Variants in MB21D2 observed in about 807,000 individuals in gnomAD.
MB21D2 encodes the protein Mab-21 domain containing 2.
MB21D2 carries 9 observed loss-of-function variants against 33.3 expected under a neutral mutation model. The ratio of observed to expected loss-of-function variants is 0.27; its 90% confidence interval spans 0.16 to 0.47. The LOEUF is 0.47. Ranked by LOEUF, MB21D2 falls within the 20% of genes least tolerant of loss-of-function variation. The pLI, the probability that MB21D2 is intolerant of heterozygous loss-of-function variation, is 0.99. For synonymous variants in MB21D2, 241 were observed against 236.3 expected, an observed-to-expected ratio of 1.02 and a Z score of -0.18; for missense variants, 540 against 624.6, an observed-to-expected ratio of 0.86 and a Z score of 1.44.
intron 1 of MB21D2, among the ~76,000 whole-genome samples, chr3:192,848,685 G>C (rs1315207310): frequency 6.6e-6 from 1 of 152,200 alleles, no homozygotes; most frequent in Non-Finnish European, 1.5e-5. Context: ...CCAGCATCCA[G>C]AATCTACGTG....
intron 1 of MB21D2, among the ~76,000 whole-genome samples, chr3:192,806,129 C>T (rs1711655248): frequency 1.3e-5 from 2 of 152,224 alleles, no homozygotes; most frequent in African/African-American, 2.4e-5. Flanking sequence ...TTCTTGTCCT[C>T]TCACCCAGGT....
intron 1 of MB21D2, among the ~76,000 whole-genome samples, chr3:192,837,602 G>T (rs528790207): frequency 3.9e-4 from 59 of 152,300 alleles, no homozygotes; most frequent in African/African-American, 1.3e-3. Flanking sequence ...CAAGGAAAGG[G>T]CTCTCGCTCA....
chr3:192,812,267 C>T (rs1711805560), intron 1 of MB21D2, among the ~76,000 whole-genome samples: 2 of 152,194 alleles, frequency 1.3e-5, no homozygotes, highest in African/African-American at 4.8e-5. Context: ...AGGCTGGTCT[C>T]AAACTCCTGA....
intron 1 of MB21D2, among the ~76,000 whole-genome samples, chr3:192,886,828 A>G (rs1393419827): frequency 6.6e-6 from 1 of 152,116 alleles, no homozygotes; most frequent in Non-Finnish European, 1.5e-5. Flanking sequence ...ATAACGAAAG[A>G]GTAAATATCT....
At chr3:192,876,896 T>G (rs1337195341) in intron 1 of MB21D2, among the ~76,000 whole-genome samples, 1 of 152,200 alleles carries the variant, frequency 6.6e-6, no homozygotes, top group Non-Finnish European at 1.5e-5. Flanking sequence ...TATGTGCTCC[T>G]GTGGCACCCG....
chr3:192,879,097 A>G (rs1378637833), intron 1 of MB21D2, among the ~76,000 whole-genome samples: 1 of 152,250 alleles, frequency 6.6e-6, no homozygotes, highest in African/African-American at 2.4e-5. Flanking sequence ...GGCCTTCCCT[A>G]TCTCCCTAAA....
chr3:192,833,488 G>A (rs73890334), intron 1 of MB21D2, among the ~76,000 whole-genome samples: 3,670 of 152,150 alleles, frequency 0.024, 100 homozygotes, highest in African/African-American at 0.073. Flanking sequence ...CTTCAGTTTC[G>A]CAACAGAAAT....
At chr3:192,884,511 C>T (rs529322416) in intron 1 of MB21D2, among the ~76,000 whole-genome samples, 14 of 145,186 alleles carry the variant, frequency 9.6e-5, no homozygotes, top group South Asian at 6.9e-4. Context: ...GGACTACAGG[C>T]GCCCGCCACC....
chr3:192,911,514 A>T (rs1483369994), intron 1 of MB21D2, among the ~76,000 whole-genome samples: 1 of 152,214 alleles, frequency 6.6e-6, no homozygotes, highest in Non-Finnish European at 1.5e-5. Context: ...AACACAGGAC[A>T]GGATGTTGAC....
chr3:192,846,453 C>T (rs1206449366), intron 1 of MB21D2, among the ~76,000 whole-genome samples: 1 of 152,062 alleles, frequency 6.6e-6, no homozygotes, highest in African/African-American at 2.4e-5. Context: ...ACCATTCTTC[C>T]TTGCTCCCCT....
chr3:192,830,170 A>C (rs1712281337), intron 1 of MB21D2, among the ~76,000 whole-genome samples: 1 of 152,190 alleles, frequency 6.6e-6, no homozygotes, highest in Admixed American at 6.5e-5. Context: ...CATTTTATTC[A>C]AAAAATATAT....
At chr3:192,850,177 C>T (rs1195976867) in intron 1 of MB21D2, among the ~76,000 whole-genome samples, 1 of 152,124 alleles carries the variant, frequency 6.6e-6, no homozygotes, top group Non-Finnish European at 1.5e-5. Flanking sequence ...CTCGGCCTCC[C>T]AAAGTGCCAG....
At chr3:192,822,432 G>A (rs553674183) in intron 1 of MB21D2, among the ~76,000 whole-genome samples, 3 of 151,910 alleles carry the variant, frequency 2.0e-5, no homozygotes, top group African/African-American at 7.2e-5. Context: ...AACTCACCAA[G>A]TAACTTTATT....
chr3:192,875,955 C>T (rs924397724), intron 1 of MB21D2, among the ~76,000 whole-genome samples: 2 of 152,178 alleles, frequency 1.3e-5, no homozygotes, highest in Non-Finnish European at 2.9e-5. Flanking sequence ...ATGCTGAAGA[C>T]GTAGGTACTT....
chr3:192,833,645 G>A (rs943499944), intron 1 of MB21D2, among the ~76,000 whole-genome samples: 1 of 152,176 alleles, frequency 6.6e-6, no homozygotes, highest in African/African-American at 2.4e-5. Context: ...ACAGAGCAAG[G>A]AGACGTGGGG....
chr3:192,901,538 T>C (rs73066246), intron 1 of MB21D2, among the ~76,000 whole-genome samples: 3,987 of 124,616 alleles, frequency 0.032, 126 homozygotes, highest in African/African-American at 0.078. Context: ...TCTCAAGCAG[T>C]TATTTCACCC....
intron 1 of MB21D2, among the ~76,000 whole-genome samples, chr3:192,896,338 C>T (rs986066807): frequency 1.3e-5 from 2 of 152,158 alleles, no homozygotes; most frequent in African/African-American, 4.8e-5. Context: ...TCTTTCTTCC[C>T]ACTACACCAC....
At chr3:192,815,416 C>G (rs554593265) in intron 1 of MB21D2, among the ~76,000 whole-genome samples, 1 of 152,312 alleles carries the variant, frequency 6.6e-6, no homozygotes, top group East Asian at 1.9e-4. Context: ...TCCCATGTCT[C>G]ACCCCACAAG....
chr3:192,880,483 GGCA>G (rs1713536470), intron 1 of MB21D2, among the ~76,000 whole-genome samples: 1 of 152,114 alleles, frequency 6.6e-6, no homozygotes, highest in South Asian at 2.1e-4. Flanking sequence ...AGCAGGATGA[GGCA>G]GAGAAAGCAA....
Sources: allele counts gnomAD v4.1 joint callset (sites outside exome capture counted in the v4.1 genomes callset), GRCh38; gene constraint gnomAD v4.1.1; transcripts MANE v1.5; gene names NCBI Gene and HGNC (gene_info 2026-07-23, HGNC 2026-07-21).